Variants in SMARCA2 observed in about 807,000 individuals in gnomAD.
SMARCA2 encodes the protein SWI/SNF-related matrix-associated actin-dependent regulator of chromatin subfamily A member 2.
In SMARCA2, 61 loss-of-function variants were observed where a neutral mutation model predicts 199.8. The observed-to-expected ratio is 0.31, with a 90% CI of 0.25 to 0.38. The LOEUF (loss-of-function observed/expected upper bound fraction) is 0.38. SMARCA2 is among the 10% of genes least tolerant of loss of function. The pLI, the probability that SMARCA2 is intolerant of heterozygous loss-of-function variation, is 1.00. For missense variants in SMARCA2, 1,344 were observed against 2,012.2 expected, an observed-to-expected ratio of 0.67 and a Z score of 6.35; for synonymous variants, 935 against 732.0, an observed-to-expected ratio of 1.28 and a Z score of -4.48.
In SMARCA2 at chr9:2,191,593, G is replaced by T. The variant is rs147427386; in HGVS notation, c.4737+185G>T. ...TATGATTTAGAACAAAGGATTGGGG[G>T]CTTTGTTTATTGCCTTTTTAATAGT... On this transcript the variant is annotated intron_variant, in intron 33 of 33. Transcript: ENST00000349721. 17 of 547,732 alleles carry T rather than the reference G, an allele frequency of 3.1e-5. No individual in the cohort carries two copies. The East Asian group carries it at 4.1e-4, about 13-fold the overall frequency. 33.9% of individuals were successfully genotyped at this position (547,732 alleles called of 1,614,324 possible).
chr9:2,159,693 G>T (rs747860108), intron 27 of SMARCA2: 1 of 1,295,410 alleles, frequency 7.7e-7, no homozygotes, highest in Non-Finnish European at 1.1e-6. Flanking sequence ...CTTGTAGTAG[G>T]TAGCATGAAA....
intron 27 of SMARCA2, among the ~76,000 whole-genome samples, chr9:2,126,300 T>C (rs1022329161): frequency 1.4e-4 from 21 of 152,284 alleles, no homozygotes; most frequent in African/African-American, 5.1e-4. Flanking sequence ...AACAGCTTTA[T>C]TGTAACGTAT....
At chr9:2,166,149 C>T (rs114668446) in intron 28 of SMARCA2, among the ~76,000 whole-genome samples, 81 of 152,342 alleles carry the variant, frequency 5.3e-4, no homozygotes, top group African/African-American at 1.9e-3. Context: ...AGCATATCTA[C>T]CTCAGGACAT....
At chr9:2,035,327 G>C (rs1819280185) in intron 3 of SMARCA2, among the ~76,000 whole-genome samples, 1 of 152,148 alleles carries the variant, frequency 6.6e-6, no homozygotes, top group Admixed American at 6.5e-5. Context: ...ACAGGCATGA[G>C]CCACCATGCC....
rs774927254 is a variant in SMARCA2 at position 2,096,651 on chromosome 9, C to T, written c.2884-6C>T. 5 of 1,601,218 alleles carry T rather than the reference C, an allele frequency of 3.1e-6. No individual in the cohort carries two copies. Among genetic ancestry groups the T allele is most frequent in the South Asian group, 1.1e-5 (1 of 90,806 alleles). On this transcript the variant is annotated splice_polypyrimidine_tract_variant and splice_region_variant and intron_variant, in intron 19 of 33. Coordinates refer to ENST00000349721, the MANE Select transcript of SMARCA2 (RefSeq NM_003070.5). The stretch of plus-strand genomic sequence containing the variant: ...TCTTGCCTACTTACTGTTCTCTTTT[C>T]TGCAGGTGGAATATGTGATCAAGTG...
intron 24 of SMARCA2, among the ~76,000 whole-genome samples, chr9:2,113,861 C>T (rs993855680): frequency 6.6e-6 from 1 of 152,186 alleles, no homozygotes; most frequent in African/African-American, 2.4e-5. Flanking sequence ...CTCGCGGGCT[C>T]GGTCTGACCT....
chr9:2,174,765 C>G (rs1453353422), intron 29 of SMARCA2, among the ~76,000 whole-genome samples: 1 of 151,232 alleles, frequency 6.6e-6, no homozygotes, highest in African/African-American at 2.4e-5. Context: ...TACAAAAATG[C>G]AAAAATGAGG....
Position 2,115,759 on chromosome 9 carries a change from G to A in SMARCA2, c.3457-63G>A, listed in dbSNP as rs2130599154. ...CTTCCATATTTCCCTCTGGGGTGGG[G>A]TCCGGTTTTGGATGCCTATGCCAGG... On this transcript the variant is annotated intron_variant, in intron 24 of 33. Coordinates refer to ENST00000349721, the MANE Select transcript of SMARCA2 (RefSeq NM_003070.5). This position sits in a 1 kb window ranked among gnomAD's most constrained non-coding sequence, Gnocchi z 6.0. The A allele has an allele frequency of 1.5e-6, 2 of 1,317,860 alleles. No individual in the cohort carries two copies. The highest frequency in any genetic ancestry group is 1.4e-5 in the African/African-American group (1 of 69,062). The allele number at this position is 1,317,860 out of a possible 1,614,324, so 81.6% of individuals were successfully genotyped here.
At chr9:2,188,865 C>T (rs182613319) in intron 32 of SMARCA2, among the ~76,000 whole-genome samples, 137 of 152,294 alleles carry the variant, frequency 9.0e-4, no homozygotes, top group Non-Finnish European at 1.5e-3. Context: ...AAACAAAGTT[C>T]CCACTTTCTT....
intron 1 of SMARCA2, among the ~76,000 whole-genome samples, chr9:2,025,909 G>A (rs552897479): frequency 6.6e-6 from 1 of 152,158 alleles, no homozygotes; most frequent in East Asian, 1.9e-4. Flanking sequence ...AGATCCTAGG[G>A]CAGCCCTGAT....
At chr9:2,180,718 C>G (rs759747045) in intron 29 of SMARCA2, among the ~76,000 whole-genome samples, 20 of 152,200 alleles carry the variant, frequency 1.3e-4, no homozygotes, top group Non-Finnish European at 2.4e-4. Flanking sequence ...GTGCCTTTAA[C>G]CACATCTGCT....
In SMARCA2 at chr9:2,170,203, C is replaced by A. The variant is rs1826171171; in HGVS notation, c.4200-216C>A. The stretch of plus-strand genomic sequence containing the variant: ...GTGTGTGACGGAAGTAGGAAAATCC[C>A]AGAAAGGTTAGGAAATCCACTTCCC... On this transcript the variant is annotated intron_variant, in intron 28 of 33. Coordinates refer to ENST00000349721, the MANE Select transcript of SMARCA2 (RefSeq NM_003070.5). The surrounding 1 kb of genome is among the most constrained non-coding windows in gnomAD (Gnocchi z 4.7). Among the ~76,000 whole-genome samples, 1 of 152,124 alleles carries A rather than the reference C, an allele frequency of 6.6e-6. No homozygotes were observed. Among genetic ancestry groups the A allele is most frequent in the Non-Finnish European group, 1.5e-5 (1 of 68,030 alleles).
intron 23 of SMARCA2, among the ~76,000 whole-genome samples, chr9:2,108,056 C>T (rs965128756): frequency 2.0e-5 from 3 of 152,112 alleles, no homozygotes; most frequent in Admixed American, 2.0e-4. Flanking sequence ...CAGGCATAGC[C>T]AGGGTTCATG....
At chr9:2,117,830 G>T (rs1479908372) in intron 25 of SMARCA2, among the ~76,000 whole-genome samples, 2 of 152,198 alleles carry the variant, frequency 1.3e-5, no homozygotes, top group African/African-American at 4.8e-5. Flanking sequence ...CTGCCAGTGT[G>T]TCAGAAAAAT....
intron 16 of SMARCA2, among the ~76,000 whole-genome samples, chr9:2,083,867 A>T (rs1164995287): frequency 2.6e-5 from 4 of 152,014 alleles, no homozygotes; most frequent in African/African-American, 9.7e-5. Flanking sequence ...TTGCCCTCCC[A>T]CTGTCTTTGG....
chr9:2,170,622 T>A lies in SMARCA2; in HGVS notation c.4253+150T>A. On this transcript the variant is annotated intron_variant, in intron 29 of 33. Transcript: ENST00000349721. This position sits in a 1 kb window ranked among gnomAD's most constrained non-coding sequence, Gnocchi z 4.7. ...TTGGAGAGCGGGATAGAGGCACAGATACTCTTAAACAGCTGTCATGGCTTC... is the reference window on the plus strand; with the variant it reads ...TTGGAGAGCGGGATAGAGGCACAGAAACTCTTAAACAGCTGTCATGGCTTC... The A allele has an allele frequency of 1.5e-6, 2 of 1,318,098 alleles. No homozygotes were observed. Among genetic ancestry groups the A allele is most frequent in the Non-Finnish European group, 2.1e-6 (2 of 951,774 alleles). 81.7% of individuals were successfully genotyped at this position (1,318,098 alleles called of 1,614,324 possible).
Position 2,060,974 on chromosome 9 carries a change from G to C in SMARCA2, c.1680G>C (p.Arg560Ser), listed in dbSNP as rs747020539. The change falls in exon 9 of 34, where the codon AGG (arginine) becomes AGC (serine). Residue 560 changes from arginine to serine, a missense_variant. Physicochemically the swap from Arg to Ser is moderately radical, Grantham distance 110 (BLOSUM62 -1). Coordinates refer to ENST00000349721, the MANE Select transcript of SMARCA2 (RefSeq NM_003070.5). ...AQAAKEKKKR[R>S]RRKKKAEENA... ...CAGCCAAAGAGAAGAAGAAGAGGAG[G>C]AGGAGGAAGAAGGTGCGTATCCTAG... is the stretch of plus-strand genomic sequence containing the variant. The C allele has an allele frequency of 6.2e-7, 1 of 1,613,786 alleles. No homozygotes were observed. The highest frequency in any genetic ancestry group is 8.5e-7 in the Non-Finnish European group (1 of 1,179,800).
intron 27 of SMARCA2, among the ~76,000 whole-genome samples, chr9:2,146,783 A>T (rs1486326418): frequency 6.6e-6 from 1 of 152,082 alleles, no homozygotes; most frequent in Admixed American, 6.6e-5. Flanking sequence ...TTGCCATGGC[A>T]TTTGTAAACT....
intron 29 of SMARCA2, among the ~76,000 whole-genome samples, chr9:2,181,068 G>A (rs1057052662): frequency 6.6e-6 from 1 of 152,084 alleles, no homozygotes; most frequent in Non-Finnish European, 1.5e-5. Flanking sequence ...AGGTACGTAC[G>A]AAGGCTTTTC....
Sources: allele counts gnomAD v4.1 joint callset (sites outside exome capture counted in the v4.1 genomes callset), GRCh38; gene constraint gnomAD v4.1.1; non-coding constraint Gnocchi (gnomAD v3.1); transcripts MANE v1.5; gene names NCBI Gene and HGNC (gene_info 2026-07-23, HGNC 2026-07-21).